The following LRBA variants were observed in gnomAD, a reference collection of about 807,000 sequenced individuals.
LRBA encodes LPS responsive beige-like anchor protein.
LRBA carries 176 observed loss-of-function variants against 330.0 expected under a neutral mutation model. The observed-to-expected ratio is 0.53, with a 90% CI of 0.47 to 0.60. LRBA has a LOEUF of 0.60. Among genes scored for constraint, LRBA ranks in the 20% least tolerant of loss-of-function variants. The pLI is 0.00. For missense variants in LRBA, 3,259 were observed against 3,444.8 expected (o/e 0.95, Z 1.35); for synonymous variants, 1,230 against 1,193.0 (o/e 1.03, Z -0.64).
intron 37 of LRBA, among the ~76,000 whole-genome samples, chr4:150,652,289 C>T (rs1158642203): frequency 6.6e-6 from 1 of 152,160 alleles, no homozygotes; most frequent in African/African-American, 2.4e-5. Flanking sequence ...AAATCAGGAT[C>T]CAAGGTCCAT....
chr4:150,852,730 T>C lies in LRBA; in HGVS notation c.2980A>G (p.Ser994Gly), dbSNP rs773468487. 155 of 1,613,788 alleles carry C rather than the reference T, an allele frequency of 9.6e-5. No individual in the cohort carries two copies. Among genetic ancestry groups the C allele is most frequent in the Non-Finnish European group, 1.3e-4 (152 of 1,179,860 alleles). The part of the protein sequence containing the change: ...HFTTNGNENS[S>G]IEKTSSLESA... ...TCTAGTGAACTTGTCTTCTCTATAC[T>C]TGAATTTTCATTACCATTTGTGGTG... The change falls in exon 23 of 57, where the codon AGT becomes GGT. Residue 994 changes from serine to glycine, a missense_variant. Ser to Gly is a moderately conservative substitution (Grantham distance 56). Coordinates refer to ENST00000651943, the MANE Select transcript of LRBA (RefSeq NM_001364905.1).
At chr4:150,268,226 C>G (rs1386530802) in intron 56 of LRBA, among the ~76,000 whole-genome samples, 1 of 152,042 alleles carries the variant, frequency 6.6e-6, no homozygotes, top group Non-Finnish European at 1.5e-5. Context: ...TATACCAAAA[C>G]TGAATGAAGA....
chr4:150,880,587 G>C (rs1281129508), intron 17 of LRBA, among the ~76,000 whole-genome samples: 1 of 150,010 alleles, frequency 6.7e-6, no homozygotes, highest in African/African-American at 2.4e-5. Context: ...CATCGAATTA[G>C]AACAATCCTA....
chr4:150,485,049 T>C (rs1341618342), intron 42 of LRBA, among the ~76,000 whole-genome samples: 2 of 151,992 alleles, frequency 1.3e-5, no homozygotes, highest in Non-Finnish European at 2.9e-5. Flanking sequence ...GGGCTGAATA[T>C]GGTCAACGTG....
intron 44 of LRBA, among the ~76,000 whole-genome samples, chr4:150,453,583 T>C (rs1445892909): frequency 1.3e-5 from 2 of 152,212 alleles, no homozygotes; most frequent in Non-Finnish European, 2.9e-5. Context: ...AAGTTGTTTT[T>C]AGAAAACCCA....
At chr4:150,964,671 G>A (rs900929312) in intron 2 of LRBA, among the ~76,000 whole-genome samples, 1 of 151,606 alleles carries the variant, frequency 6.6e-6, no homozygotes, top group Admixed American at 6.6e-5. Flanking sequence ...AAGTACCCAG[G>A]GACACAAACA....
chr4:150,371,048 A>G (rs1740208487), intron 47 of LRBA, among the ~76,000 whole-genome samples: 1 of 152,282 alleles, frequency 6.6e-6, no homozygotes, highest in Admixed American at 6.5e-5. Flanking sequence ...AGAAAGAAGC[A>G]TTAATTAACA....
chr4:151,003,005 C>A (rs1743557417), intron 2 of LRBA, among the ~76,000 whole-genome samples: 1 of 150,250 alleles, frequency 6.7e-6, no homozygotes, highest in South Asian at 2.1e-4. Context: ...TAGAGCAAGA[C>A]CTTGTCTCAA....
chr4:150,863,555 G>A (rs980394468), intron 22 of LRBA, among the ~76,000 whole-genome samples: 1 of 152,070 alleles, frequency 6.6e-6, no homozygotes, highest in Non-Finnish European at 1.5e-5. Context: ...CCAGATACTC[G>A]GGAGGCTGAG....
At chr4:150,768,750 T>C (rs1578721013) in intron 34 of LRBA, among the ~76,000 whole-genome samples, 1 of 134,278 alleles carries the variant, frequency 7.4e-6, no homozygotes, top group South Asian at 2.5e-4. Flanking sequence ...CCCTCTTCTG[T>C]GATGACAGAC....
chr4:150,404,434 G>A (rs900507403), intron 47 of LRBA, among the ~76,000 whole-genome samples: 3 of 152,116 alleles, frequency 2.0e-5, no homozygotes, highest in African/African-American at 7.2e-5. Context: ...GAAGGGTAAC[G>A]ATGCACGCTT....
chr4:150,848,562 G>GAAAAAAAAAAAA (rs9331496), intron 26 of LRBA, among the ~76,000 whole-genome samples: 2 of 120,042 alleles, frequency 1.7e-5, no homozygotes, highest in Non-Finnish European at 3.5e-5. Flanking sequence ...GGAGAAAAAA[G>GAAAAAAAAAAAA]AAAAAAAAAA....
At chr4:150,608,629 C>T (rs10857247) in intron 37 of LRBA, among the ~76,000 whole-genome samples, 133,207 of 152,202 alleles carry the variant, frequency 0.88, 59,204 homozygotes, top group Non-Finnish European at 0.95. Context: ...AATGCTCACC[C>T]GTTTAAAATG....
intron 47 of LRBA, among the ~76,000 whole-genome samples, chr4:150,395,821 T>G (rs1009535049): frequency 1.3e-5 from 2 of 152,214 alleles, no homozygotes; most frequent in African/African-American, 4.8e-5. Context: ...CAAATATCAG[T>G]GTCTGGGAAA....
At chr4:150,530,988 T>A (rs1763999651) in intron 40 of LRBA, among the ~76,000 whole-genome samples, 1 of 152,082 alleles carries the variant, frequency 6.6e-6, no homozygotes, top group African/African-American at 2.4e-5. Flanking sequence ...AAACCTGAAT[T>A]TCCATATGCC....
intron 37 of LRBA, among the ~76,000 whole-genome samples, chr4:150,642,000 T>G (rs563092660): frequency 5.9e-5 from 9 of 152,188 alleles, no homozygotes; most frequent in African/African-American, 1.7e-4. Context: ...CACTGTCATA[T>G]TTTAAACTAC....
intron 36 of LRBA, among the ~76,000 whole-genome samples, chr4:150,706,090 G>C (rs1157459110): frequency 6.6e-6 from 1 of 151,910 alleles, no homozygotes; most frequent in Non-Finnish European, 1.5e-5. Flanking sequence ...CAGACGAGCT[G>C]AATCTAATGT....
chr4:150,425,664 C>A (rs993353974), intron 46 of LRBA, among the ~76,000 whole-genome samples: 1 of 152,140 alleles, frequency 6.6e-6, no homozygotes, highest in African/African-American at 2.4e-5. Flanking sequence ...TTAATAGTCA[C>A]CAATTCTATG....
intron 40 of LRBA, among the ~76,000 whole-genome samples, chr4:150,557,138 T>A (rs574990104): frequency 1.3e-5 from 2 of 152,102 alleles, no homozygotes; most frequent in South Asian, 4.2e-4. Context: ...AGTCAGAAAG[T>A]GCTCAAGAAA....
Sources: gnomAD v4.1 joint callset for allele counts (sites outside exome capture counted in the v4.1 genomes callset) on GRCh38, gnomAD v4.1.1 for gene constraint, MANE v1.5 for transcripts, NCBI Gene and HGNC (gene_info 2026-07-23, HGNC 2026-07-21) for gene names.